Variants in PSMD13 observed in about 807,000 individuals in gnomAD.
The protein encoded by PSMD13 is 26S proteasome non-ATPase regulatory subunit 13.
PSMD13 carries 8 observed loss-of-function variants against 57.4 expected under a neutral mutation model. The observed-to-expected ratio is 0.14, with a 90% CI of 0.08 to 0.25. PSMD13 has a LOEUF of 0.25. Ranked by LOEUF, PSMD13 falls within the 10% of genes least tolerant of loss-of-function variation. PSMD13 has a pLI of 1.00. For missense variants in PSMD13, 400 were observed against 461.5 expected, an observed-to-expected ratio of 0.87 and a Z score of 1.22; for synonymous variants, 193 against 168.2, an observed-to-expected ratio of 1.15 and a Z score of -1.14.
chr11:243,335 T>C (rs1233570265), intron 2 of PSMD13: 60 of 372,090 alleles, frequency 1.6e-4, no homozygotes, highest in Non-Finnish European at 2.1e-4. Flanking sequence ...GAACATTTTA[T>C]TTTTCTCAAG....
chr11:240,026 A>G (rs1859479507), intron 2 of PSMD13, among the ~76,000 whole-genome samples: 1 of 150,234 alleles, frequency 6.7e-6, no homozygotes, highest in Non-Finnish European at 1.5e-5. Context: ...GGAACTTACA[A>G]TCATCTGTAA....
chr11:250,388 A>G (rs1436173361), intron 9 of PSMD13, among the ~76,000 whole-genome samples: 1 of 152,226 alleles, frequency 6.6e-6, no homozygotes, highest in African/African-American at 2.4e-5. Context: ...GCTTTTCCTC[A>G]GAGGGGCTCC....
intron 2 of PSMD13, among the ~76,000 whole-genome samples, chr11:240,128 T>TG (rs1554894965): frequency 1.4e-5 from 2 of 141,614 alleles, no homozygotes; most frequent in Non-Finnish European, 3.0e-5. Flanking sequence ...TTTTTTTTTT[T>TG]GACGGAGTTT....
At position 251,092 on chromosome 11, in the gene PSMD13, C is replaced by A; in HGVS notation, c.837+227C>A. The A allele has an allele frequency of 1.8e-6, 1 of 543,884 alleles. No individual in the cohort carries two copies. The highest frequency in any genetic ancestry group is 3.3e-6 in the Non-Finnish European group (1 of 301,192). The allele number at this position is 543,884 out of a possible 1,614,324, so 33.7% of individuals were successfully genotyped here. A position where few individuals can be genotyped will look rare whatever the true frequency, so the allele number is the denominator to read the frequency against. ...ACCCTCCCACCCCACTGCCACCACC[C>A]TGAGGCCTTCCCTGACCATCTGAAC... On this transcript the variant is annotated intron_variant, in intron 10 of 12. Transcript: ENST00000532097. The surrounding 1 kb of genome is among the most constrained non-coding windows in gnomAD (Gnocchi z 4.6).
chr11:244,938 CTT>C (rs35323262), intron 6 of PSMD13, among the ~76,000 whole-genome samples, 177 bp downstream of exon 6: 100 of 138,910 alleles, frequency 7.2e-4, no homozygotes, highest in Non-Finnish European at 8.7e-4. Flanking sequence ...CATTGCAAAC[CTT>C]TTTTTTTTTT....
intron 1 of PSMD13, among the ~76,000 whole-genome samples, chr11:237,793 C>T (rs1354331204): frequency 6.6e-6 from 1 of 152,188 alleles, no homozygotes; most frequent in Admixed American, 6.5e-5. Context: ...GGATGAATTG[C>T]AGAGCAATTA....
At position 247,703 on chromosome 11, in the gene PSMD13, G is replaced by T. The variant is rs200483024; in HGVS notation, c.568+255G>T. On this transcript the variant is annotated intron_variant, in intron 7 of 12. Coordinates refer to ENST00000532097, the MANE Select transcript of PSMD13 (RefSeq NM_002817.4). ...AAAAAACTAGCCAGGTGTGATGGTGGGTGCCTGTAATCCCAGTTACTCAGG... is the reference window on the plus strand; with the variant it reads ...AAAAAACTAGCCAGGTGTGATGGTGTGTGCCTGTAATCCCAGTTACTCAGG... 12 of 293,490 alleles carry T rather than the reference G, an allele frequency of 4.1e-5. No homozygotes were observed. The East Asian group carries it at 9.0e-4, about 22-fold the overall frequency. 18.2% of individuals were successfully genotyped at this position (293,490 alleles called of 1,614,324 possible).
chr11:249,084 T>C (rs1257199308), intron 9 of PSMD13, 27 bp downstream of exon 9: 2 of 1,607,352 alleles, frequency 1.2e-6, no homozygotes, highest in Admixed American at 1.7e-5. Flanking sequence ...GCCCAGCCCT[T>C]ATTCCCCCAT....
intron 1 of PSMD13, among the ~76,000 whole-genome samples, chr11:237,730 C>G (rs554845733): frequency 6.6e-6 from 1 of 152,216 alleles, no homozygotes; most frequent in Non-Finnish European, 1.5e-5. Flanking sequence ...TTGTATTTCT[C>G]ATGGGCTTTC....
chr11:239,568 A>G (rs1859472047), intron 2 of PSMD13, among the ~76,000 whole-genome samples: 1 of 151,966 alleles, frequency 6.6e-6, no homozygotes, highest in African/African-American at 2.4e-5. Flanking sequence ...TTGCCCAGAC[A>G]CTTCTGTCCT....
At position 244,545 on chromosome 11, in the gene PSMD13, A is replaced by T. The variant is rs1309124865; in HGVS notation, c.309+76A>T. ...GACTTAACAGCTTGTGTTCATGCTCACTGTCCAGACCTTTAGAGACCACAA... is the reference window on the plus strand; with the variant it reads ...GACTTAACAGCTTGTGTTCATGCTCTCTGTCCAGACCTTTAGAGACCACAA... On this transcript the variant is annotated intron_variant, in intron 5 of 12. Transcript: ENST00000532097. 3 of 1,526,772 alleles carry T rather than the reference A, an allele frequency of 2.0e-6. No individual in the cohort carries two copies. In the African/African-American group the frequency reaches 4.1e-5, roughly 21 times the overall value. The allele number at this position is 1,526,772 out of a possible 1,614,324, so 94.6% of individuals were successfully genotyped here.
chr11:237,648 T>C (rs10902110), intron 1 of PSMD13, among the ~76,000 whole-genome samples: 120,678 of 152,148 alleles, frequency 0.79, 48,166 homozygotes, highest in African/African-American at 0.88. Context: ...GCTTTGCTGT[T>C]TTCCCTATTC....
At chr11:246,076 G>A (rs904236223) in intron 6 of PSMD13, among the ~76,000 whole-genome samples, 2 of 152,132 alleles carry the variant, frequency 1.3e-5, no homozygotes, top group Non-Finnish European at 2.9e-5. Flanking sequence ...ATAGGGGTGT[G>A]TAACTCAAGC....
chr11:238,974 T>G, intron 1 of PSMD13, 24 bp from the exon 2 acceptor site: 1 of 1,607,356 alleles, frequency 6.2e-7, no homozygotes, highest in South Asian at 1.1e-5. Flanking sequence ...AGGTTAGAGG[T>G]CTTAAGGGCT....
chr11:252,103 T>G lies in PSMD13; in HGVS notation c.1035+167T>G. The G allele has an allele frequency of 1.5e-6, 1 of 653,434 alleles. No individual in the cohort carries two copies. Among genetic ancestry groups the G allele is most frequent in the South Asian group, 1.9e-5 (1 of 52,900 alleles). The allele number at this position is 653,434 out of a possible 1,614,324, so 40.5% of individuals were successfully genotyped here. A position where few individuals can be genotyped will look rare whatever the true frequency, so the allele number is the denominator to read the frequency against. On this transcript the variant is annotated intron_variant, in intron 12 of 12. Coordinates refer to ENST00000532097, the MANE Select transcript of PSMD13 (RefSeq NM_002817.4). This position sits in a 1 kb window ranked among gnomAD's most constrained non-coding sequence, Gnocchi z 4.1. ...GGGTTTTTCTAAGAGCCTAATTTAA[T>G]GCAAGCCTAGGGTTTGAACCCTGCA...
At chr11:237,321 G>C (rs545757050) in intron 1 of PSMD13, among the ~76,000 whole-genome samples, 177 bp downstream of exon 1, 1 of 152,356 alleles carries the variant, frequency 6.6e-6, no homozygotes, top group African/African-American at 2.4e-5. Flanking sequence ...TTGAGTGGCA[G>C]GGTCGAGGAA....
chr11:244,818 A>T, intron 6 of PSMD13, 57 bp downstream of exon 6: 1 of 1,176,764 alleles, frequency 8.5e-7, no homozygotes, highest in South Asian at 1.7e-5. Flanking sequence ...AAACCCTAGG[A>T]AAAAAAATAA....
Position 238,987 on chromosome 11 carries a change from A to G in PSMD13, c.96-11A>G. On this transcript the variant is annotated splice_polypyrimidine_tract_variant and intron_variant, in intron 1 of 12. Coordinates refer to ENST00000532097, the MANE Select transcript of PSMD13 (RefSeq NM_002817.4). Reference sequence around the variant, plus strand: ...TTAGGTTAGAGGTCTTAAGGGCTGTATGTTTTTCAGGTTGTGGCATCAGCT... The same window carrying G: ...TTAGGTTAGAGGTCTTAAGGGCTGTGTGTTTTTCAGGTTGTGGCATCAGCT... The G allele has an allele frequency of 6.2e-7, 1 of 1,613,608 alleles. No homozygotes were observed. The highest frequency in any genetic ancestry group is 1.3e-5 in the African/African-American group (1 of 75,008).
Position 237,061 on chromosome 11 carries a change from A to G in PSMD13, c.12A>G (p.Val4=). The change falls in exon 1 of 13, where the codon GTA becomes GTG. Residue 4 remains valine, a synonymous_variant. Transcript: ENST00000532097. MKD[V]PGFLQQSQNS... ...GTCTTCCTGCTGTCATGAAGGACGT[A>G]CCGGGCTTCCTACAGCAGAGCCAGA... The G allele has an allele frequency of 1.2e-6, 2 of 1,613,786 alleles. No individual in the cohort carries two copies. Among genetic ancestry groups the G allele is most frequent in the South Asian group, 2.2e-5 (2 of 91,062 alleles).
Sources: gnomAD v4.1 joint callset for allele counts (sites outside exome capture counted in the v4.1 genomes callset) on GRCh38, gnomAD v4.1.1 for gene constraint, Gnocchi (gnomAD v3.1) non-coding constraint, MANE v1.5 for transcripts, NCBI Gene and HGNC (gene_info 2026-07-23, HGNC 2026-07-21) for gene names.